PGAP1: variants seen among roughly 807,000 people sequenced by gnomAD.
The protein encoded by PGAP1 is GPI inositol-deacylase.
In PGAP1, 76 loss-of-function variants were observed where a neutral mutation model predicts 127.0. The ratio of observed to expected loss-of-function variants is 0.60; its 90% confidence interval spans 0.50 to 0.72. The LOEUF (loss-of-function observed/expected upper bound fraction) is 0.72. Ranked by LOEUF, PGAP1 falls within the 30% of genes least tolerant of loss-of-function variation. PGAP1 has a pLI of 0.00. For missense variants in PGAP1, 982 were observed against 1,071.3 expected (o/e 0.92, Z 1.16); for synonymous variants, 362 against 366.5 (o/e 0.99, Z 0.14).
At chr2:196,891,418 G>A (rs1208990663) in intron 9 of PGAP1, among the ~76,000 whole-genome samples, 1 of 152,154 alleles carries the variant, frequency 6.6e-6, no homozygotes, top group Non-Finnish European at 1.5e-5. Context: ...CTAAAGAGCT[G>A]TATCAACAAA....
intron 1 of PGAP1, among the ~76,000 whole-genome samples, chr2:196,925,470 AATT>A (rs1385064661): frequency 6.6e-6 from 1 of 152,236 alleles, no homozygotes; most frequent in Non-Finnish European, 1.5e-5. Flanking sequence ...GGTAGTCCAT[AATT>A]AAGAGATGCA....
intron 20 of PGAP1, among the ~76,000 whole-genome samples, chr2:196,858,186 G>A (rs573511186): frequency 2.0e-5 from 3 of 152,220 alleles, no homozygotes; most frequent in East Asian, 1.9e-4. Flanking sequence ...CAGATCACGA[G>A]GTCAGGAGAT....
Position 196,879,895 on chromosome 2 carries a change from G to A in PGAP1, c.1350+181C>T, listed in dbSNP as rs573107932. On this transcript the variant is annotated intron_variant, in intron 13 of 26. Transcript: ENST00000354764. The stretch of plus-strand genomic sequence containing the variant: ...GTTCTCACTTGGAACAAAGAAACTT[G>A]GGTTCATTCTGCTTAGTTCAAGTTA... Among the ~76,000 whole-genome samples, 80 of 152,202 alleles carry A rather than the reference G, an allele frequency of 5.3e-4. 1 individual carries two copies. The highest frequency in any genetic ancestry group is 1.8e-3 in the African/African-American group (75 of 41,536).
chr2:196,888,898 A>T (rs1225028409), intron 10 of PGAP1, among the ~76,000 whole-genome samples: 4 of 152,200 alleles, frequency 2.6e-5, no homozygotes, highest in Non-Finnish European at 5.9e-5. Context: ...AAAATTTTTC[A>T]GTCAAAAAAA....
chr2:196,887,971 C>T (rs1010096001), intron 10 of PGAP1, among the ~76,000 whole-genome samples: 1 of 152,214 alleles, frequency 6.6e-6, no homozygotes, highest in South Asian at 2.1e-4. Context: ...TAAGAAGGGG[C>T]CTATCCTCAA....
chr2:196,893,884 T>C (rs1702181970), intron 7 of PGAP1, among the ~76,000 whole-genome samples: 1 of 152,218 alleles, frequency 6.6e-6, no homozygotes, highest in African/African-American at 2.4e-5. Flanking sequence ...GTATTGACCA[T>C]TATTCAACTC....
chr2:196,913,157 A>T, intron 3 of PGAP1, 104 bp from the exon 4 acceptor site: 2 of 1,055,858 alleles, frequency 1.9e-6, no homozygotes, highest in Non-Finnish European at 2.7e-6. Context: ...AAAGAAAATC[A>T]AACTATTTAT....
At chr2:196,898,253 C>T (rs1326139051) in intron 6 of PGAP1, 64 bp downstream of exon 6, 39 of 1,068,950 alleles carry the variant, frequency 3.6e-5, no homozygotes, top group Non-Finnish European at 5.3e-5. Flanking sequence ...AATTAAATTA[C>T]TGCATTGAGG....
intron 20 of PGAP1, among the ~76,000 whole-genome samples, chr2:196,855,281 G>A (rs889288176): frequency 5.6e-5 from 8 of 142,348 alleles, no homozygotes; most frequent in African/African-American, 1.6e-4. Flanking sequence ...AGCCTAGATC[G>A]AGCCACTGCA....
chr2:196,912,579 T>A lies in PGAP1; in HGVS notation c.649+303A>T, dbSNP rs868027022. On this transcript the variant is annotated intron_variant, in intron 4 of 26. Coordinates refer to ENST00000354764, the MANE Select transcript of PGAP1 (RefSeq NM_024989.4). ...TGGGAGAAAGAGCAAGACCCTGTCT[T>A]TAAAAAAAAAAAAAAAAAAAAAAAA... Among the ~76,000 whole-genome samples, 197 of 120,082 alleles carry A rather than the reference T, an allele frequency of 1.6e-3. 1 individual carries two copies. Among genetic ancestry groups the A allele is most frequent in the African/African-American group, 6.7e-3 (183 of 27,408 alleles). The allele number at this position is 120,082 out of a possible 152,430, so 78.8% of individuals were successfully genotyped here. A position where few individuals can be genotyped will look rare whatever the true frequency, so the allele number is the denominator to read the frequency against.
intron 13 of PGAP1, among the ~76,000 whole-genome samples, chr2:196,879,759 A>G (rs970998715): frequency 2.0e-5 from 3 of 152,140 alleles, no homozygotes; most frequent in African/African-American, 7.2e-5. Context: ...CCTGGTACAT[A>G]GCCTTATACT....
rs1408310825 is a variant in PGAP1 at position 196,852,214 on chromosome 2, T to C, written c.1862-4177A>G. On this transcript the variant is annotated intron_variant, in intron 20 of 26. Coordinates refer to ENST00000354764, the MANE Select transcript of PGAP1 (RefSeq NM_024989.4). ...ATGAAATCTATAAGGCTTTTGAGTA[T>C]GTCTATATATGTTCAGGTACATTTA... Among the ~76,000 whole-genome samples the C allele has an allele frequency of 7.9e-5, 12 of 152,320 alleles. No individual in the cohort carries two copies. The East Asian group carries it at 2.3e-3, about 29-fold the overall frequency.
At chr2:196,887,467 T>G (rs1035768910) in intron 10 of PGAP1, among the ~76,000 whole-genome samples, 1 of 152,252 alleles carries the variant, frequency 6.6e-6, no homozygotes, top group African/African-American at 2.4e-5. Flanking sequence ...TTTAAGGAAG[T>G]AAGAGCAATG....
intron 2 of PGAP1, among the ~76,000 whole-genome samples, chr2:196,917,160 C>T (rs966323973): frequency 3.9e-5 from 6 of 152,142 alleles, no homozygotes; most frequent in African/African-American, 1.4e-4. Context: ...CTAACAGGTT[C>T]TTTACTGGTC....
chr2:196,860,029 G>GA (rs887555886), intron 20 of PGAP1, among the ~76,000 whole-genome samples: 103 of 151,808 alleles, frequency 6.8e-4, no homozygotes, highest in African/African-American at 2.4e-3. Context: ...GCAAGAGAAA[G>GA]AAAAAAAGTA....
rs1158219729 is a variant in PGAP1 at position 196,836,948 on chromosome 2, A to G, written c.*4286T>C. ...CACAATGAGAAAACAAAAAGCAATC[A>G]TGAAAAATAATCAACAAATGCCTAG... On this transcript the variant is annotated 3_prime_UTR_variant, in exon 27 of 27. Coordinates refer to ENST00000354764, the MANE Select transcript of PGAP1 (RefSeq NM_024989.4). 1.3e-5 allele frequency: 2 copies of G among 152,236 alleles called. No individual in the cohort carries two copies. Among genetic ancestry groups the G allele is most frequent in the East Asian group, 1.9e-4 (1 of 5,206 alleles). 9.4% of individuals were successfully genotyped at this position (152,236 alleles called of 1,614,324 possible). A position where few individuals can be genotyped will look rare whatever the true frequency, so the allele number is the denominator to read the frequency against.
chr2:196,913,161 T>A (rs1220053594), intron 3 of PGAP1, 108 bp from the exon 4 acceptor site: 1 of 959,552 alleles, frequency 1.0e-6, no homozygotes, highest in Non-Finnish European at 1.5e-6. Flanking sequence ...AAAATCAAAC[T>A]ATTTATATAA....
In PGAP1 at chr2:196,913,397, G is replaced by A. The variant is rs1702899277; in HGVS notation, c.478-344C>T. 2.6e-5 allele frequency among the ~76,000 whole-genome samples: 4 copies of A among 152,252 alleles called. No homozygotes were observed. In the South Asian group the frequency reaches 8.3e-4, roughly 32 times the overall value. On this transcript the variant is annotated intron_variant, in intron 3 of 26. Transcript: ENST00000354764. ...GATTATTAGGTTTTACAAGACATAA[G>A]AAATCGGATAATTTGTTTGAAACTG...
intron 21 of PGAP1, 25 bp from the exon 22 acceptor site, chr2:196,847,225 G>A (rs1463830704): frequency 1.9e-6 from 3 of 1,551,108 alleles, no homozygotes; most frequent in Admixed American, 1.9e-5. Context: ...AAATATAAAA[G>A]CAAAAAACCC....
Sources: gnomAD v4.1 joint callset for allele counts (sites outside exome capture counted in the v4.1 genomes callset) on GRCh38, gnomAD v4.1.1 for gene constraint, MANE v1.5 for transcripts, NCBI Gene and HGNC (gene_info 2026-07-23, HGNC 2026-07-21) for gene names.